SFI1: variants seen among roughly 807,000 people sequenced by gnomAD.
SFI1 encodes SFI1 centrin binding protein.
A neutral mutation model predicts 207.5 loss-of-function variants in SFI1; 195 were observed. That is an observed-to-expected ratio of 0.94 (90% CI 0.84 to 1.06). The LOEUF is 1.06. SFI1 is among the 50% of genes least tolerant of loss of function. The pLI is 0.00. For synonymous variants in SFI1, 630 were observed against 598.9 expected, an observed-to-expected ratio of 1.05 and a Z score of -0.76; for missense variants, 1,634 against 1,588.0, an observed-to-expected ratio of 1.03 and a Z score of -0.49.
chr22:31,593,706 A>C (rs1379991843), intron 15 of SFI1, among the ~76,000 whole-genome samples: 2 of 147,546 alleles, frequency 1.4e-5, no homozygotes, highest in East Asian at 4.0e-4. Context: ...CCTGGGCACC[A>C]TTGAGCACTG....
chr22:31,508,468 G>A (rs2054990436), intron 2 of SFI1, 92 bp downstream of exon 2: 2 of 929,708 alleles, frequency 2.2e-6, no homozygotes, highest in African/African-American at 3.4e-5. Flanking sequence ...TAAATTATGA[G>A]TGAGGTAGTA....
Position 31,573,040 on chromosome 22 carries a change from C to T in SFI1, c.766-18C>T, listed in dbSNP as rs2063116597. The T allele has an allele frequency of 1.9e-6, 3 of 1,611,440 alleles. No homozygotes were observed. Among genetic ancestry groups the T allele is most frequent in the Admixed American group, 1.7e-5 (1 of 59,810 alleles). On this transcript the variant is annotated intron_variant, in intron 8 of 32. Coordinates refer to ENST00000400288, the MANE Select transcript of SFI1 (RefSeq NM_001007467.3). The stretch of plus-strand genomic sequence containing the variant: ...TTCCTGCCTCTCCTTTGACTGTTGC[C>T]TCTTCTCTGGTTTTCAGGCTTGGTC...
intron 4 of SFI1, 50 bp from the exon 5 acceptor site, chr22:31,546,811 T>C (rs1414917341): frequency 1.6e-6 from 2 of 1,270,062 alleles, no homozygotes; most frequent in East Asian, 4.9e-5. Flanking sequence ...TGGGAAGAGA[T>C]GTTAGCTCCA....
Position 31,615,200 on chromosome 22 carries a change from C to T in SFI1, c.3221C>T (p.Pro1074Leu), listed in dbSNP as rs763947064. The T allele has an allele frequency of 2.0e-5, 31 of 1,581,998 alleles. No homozygotes were observed. Among genetic ancestry groups the T allele is most frequent in the Non-Finnish European group, 2.3e-5 (27 of 1,168,054 alleles). ...LSSAPGPKQP[P>L]TASTGPELLL... The stretch of plus-strand genomic sequence containing the variant: ...AGCGCCCCTGGCCCGAAGCAGCCCC[C>T]GACGGCAAGCACAGGCCCGGAGCTG... The change falls in exon 29 of 33, where the codon CCG becomes CTG. Residue 1074 changes from proline (P) to leucine (L), a missense_variant. Transcript: ENST00000400288.
rs560140877 is a variant in SFI1 at position 31,510,538 on chromosome 22, A to G, written c.92+2162A>G. On this transcript the variant is annotated intron_variant, in intron 2 of 32. Transcript: ENST00000400288. ...AACCTCTGCCTCCCTGGTTCAAGCA[A>G]TTCTCCTGCCTCAGCCTCCCGAGTA... Among the ~76,000 whole-genome samples the G allele has an allele frequency of 4.5e-4, 68 of 151,914 alleles. 1 individual carries two copies. Among genetic ancestry groups the G allele is most frequent in the Admixed American group, 1.3e-3 (20 of 15,220 alleles).
At chr22:31,533,946 A>G (rs2058747966) in intron 4 of SFI1, among the ~76,000 whole-genome samples, 1 of 152,110 alleles carries the variant, frequency 6.6e-6, no homozygotes, top group Admixed American at 6.6e-5. Flanking sequence ...ACAAATGTGA[A>G]TGTGTATTTT....
chr22:31,618,264 GC>G, intron 32 of SFI1, 38 bp downstream of exon 32: 1 of 1,599,670 alleles, frequency 6.3e-7, no homozygotes, highest in Non-Finnish European at 8.5e-7. Flanking sequence ...CCCTGGGGAC[GC>G]CCCGGGCTGT....
At chr22:31,608,172 C>T in intron 22 of SFI1, 139 bp downstream of exon 22, 6 of 625,226 alleles carry the variant, frequency 9.6e-6, no homozygotes, top group Non-Finnish European at 1.7e-5. Context: ...GTACCACAGA[C>T]TGGGAGTCTT....
rs1004410434 is a variant in SFI1, at chr22:31,616,749, C to T, written c.3305C>T (p.Ser1102Leu). Residue 1102 changes from serine to leucine, a missense_variant, in exon 30 of 33, where the codon TCA becomes TTA. Ser to Leu is a moderately radical substitution (Grantham distance 145). Coordinates refer to ENST00000400288, the MANE Select transcript of SFI1 (RefSeq NM_001007467.3). ...PCGAAAPARVSAQRATPRDKP... is the reference protein window; with the variant it reads ...PCGAAAPARVLAQRATPRDKP... ...CTACCCTTCTTTCCTTTGCAGGTGT[C>T]AGCACAGCGGGCTACTCCTAGGGAT... 28 of 1,548,528 alleles carry T rather than the reference C, an allele frequency of 1.8e-5. No individual in the cohort carries two copies. Among genetic ancestry groups the T allele is most frequent in the Non-Finnish European group, 2.2e-5 (25 of 1,151,366 alleles).
At chr22:31,572,783 G>A (rs1490483532) in intron 8 of SFI1, 5 of 244,540 alleles carry the variant, frequency 2.0e-5, no homozygotes, top group East Asian at 1.7e-4. Flanking sequence ...GATTACAGGC[G>A]AGAGCCACTG....
At position 31,615,316 on chromosome 22, in the gene SFI1, C is replaced by G. The variant is rs541277313; in HGVS notation, c.3300+37C>G. On this transcript the variant is annotated intron_variant, in intron 29 of 32. Coordinates refer to ENST00000400288, the MANE Select transcript of SFI1 (RefSeq NM_001007467.3). Reference sequence around the variant, plus strand: ...ACCACCAGGCCTGGGCACTGGGGCTCTCACTCTGGTCTGACTTCTGGTGCT... The same window carrying G: ...ACCACCAGGCCTGGGCACTGGGGCTGTCACTCTGGTCTGACTTCTGGTGCT... The G allele has an allele frequency of 2.0e-5, 29 of 1,434,312 alleles. 1 individual carries two copies. The highest frequency in any genetic ancestry group is 2.6e-5 in the Non-Finnish European group (28 of 1,094,002). 88.8% of individuals were successfully genotyped at this position (1,434,312 alleles called of 1,614,324 possible). A position where few individuals can be genotyped will look rare whatever the true frequency, so the allele number is the denominator to read the frequency against.
Position 31,583,927 on chromosome 22 carries a change from A to G in SFI1, c.1301A>G (p.Glu434Gly). ...CGGTCTCAGATTGAGCAGAAAAAGGAAAGAGAGCTGCTCCCCTTACTGCAT... is the reference window on the plus strand; with the variant it reads ...CGGTCTCAGATTGAGCAGAAAAAGGGAAGAGAGCTGCTCCCCTTACTGCAT... ...LWRSQIEQKK[E>G]RELLPLLHAA... is the part of the protein sequence containing the mutation. The change falls in exon 13 of 33, where the codon GAA (glutamate) becomes GGA (glycine). Residue 434 changes from glutamate (E) to glycine (G), a missense_variant. Transcript: ENST00000400288. 3.7e-6 allele frequency: 6 copies of G among 1,614,184 alleles called. No individual in the cohort carries two copies. The highest frequency in any genetic ancestry group is 5.1e-6 in the Non-Finnish European group (6 of 1,180,036).
chr22:31,569,519 A>G (rs569940297), intron 8 of SFI1, among the ~76,000 whole-genome samples: 4 of 152,218 alleles, frequency 2.6e-5, no homozygotes, highest in Non-Finnish European at 5.9e-5. Context: ...TATAGGATAG[A>G]TGACTTGATT....
Position 31,585,100 on chromosome 22 carries a change from G to A in SFI1, c.1379G>A (p.Trp460Ter). The change falls in exon 14 of 33, where the codon TGG becomes TAG. Residue 460 changes from tryptophan (W) to a stop codon, truncating the protein, a stop_gained. Transcript: ENST00000400288. LOFTEE classifies it high-confidence loss of function. ...CTGCTGTGCAAATGTATCGAATTGT[G>A]GCTACAGTATACTCAGAAGAGGCGG... ...IALLCKCIELWLQYTQKRRYK... is the reference protein window; with the variant it reads ...IALLCKCIEL 2 of 1,614,072 alleles carry A rather than the reference G, an allele frequency of 1.2e-6. No individual in the cohort carries two copies. Among genetic ancestry groups the A allele is most frequent in the Non-Finnish European group, 1.7e-6 (2 of 1,179,980 alleles).
At chr22:31,542,347 G>T (rs1276046106) in intron 4 of SFI1, among the ~76,000 whole-genome samples, 1 of 151,906 alleles carries the variant, frequency 6.6e-6, no homozygotes, top group Non-Finnish European at 1.5e-5. Context: ...ATAAAAATAG[G>T]CCGGGCATGG....
intron 15 of SFI1, among the ~76,000 whole-genome samples, chr22:31,598,192 A>G (rs1178305162): frequency 6.6e-6 from 1 of 151,242 alleles, no homozygotes. Flanking sequence ...TCACTGTGTT[A>G]GCCAGAATGG....
At chr22:31,554,800 C>T (rs1198321451) in intron 6 of SFI1, among the ~76,000 whole-genome samples, 2 of 151,934 alleles carry the variant, frequency 1.3e-5, no homozygotes, top group Non-Finnish European at 2.9e-5. Context: ...TTAGTAGAGA[C>T]ATTTACTGCT....
At chr22:31,598,223 G>A (rs1030103057) in intron 15 of SFI1, among the ~76,000 whole-genome samples, 1 of 151,822 alleles carries the variant, frequency 6.6e-6, no homozygotes, top group South Asian at 2.1e-4. Context: ...CTGACCTCAT[G>A]ATCCGCCCGC....
intron 7 of SFI1, chr22:31,559,629 T>A: frequency 1.4e-6 from 1 of 708,454 alleles, no homozygotes; most frequent in Admixed American, 1.8e-5. Flanking sequence ...AAAGCTGACG[T>A]TGACCTCACC....
Sources: allele counts gnomAD v4.1 joint callset (sites outside exome capture counted in the v4.1 genomes callset), GRCh38; gene constraint gnomAD v4.1.1; transcripts MANE v1.5; gene names NCBI Gene and HGNC (gene_info 2026-07-23, HGNC 2026-07-21).